The following CSMD2 variants were observed in gnomAD, a reference collection of about 807,000 sequenced individuals.
The protein encoded by CSMD2 is CUB and sushi domain-containing protein 2.
In CSMD2, 130 loss-of-function variants were observed where a neutral mutation model predicts 398.5. The observed-to-expected ratio is 0.33, with a 90% confidence interval of 0.28 to 0.38. The LOEUF (loss-of-function observed/expected upper bound fraction) is 0.38, where lower values mean the gene tolerates loss of function less well. CSMD2 is among the 10% of genes least tolerant of loss of function. The pLI is 1.00. For missense variants in CSMD2, 3,829 were observed against 4,764.9 expected (o/e 0.80, Z 5.78); for synonymous variants, 1,828 against 1,908.5 (o/e 0.96, Z 1.10).
chr1:33,956,726 A>C (rs1250988288), intron 3 of CSMD2, among the ~76,000 whole-genome samples: 1 of 152,006 alleles, frequency 6.6e-6, no homozygotes, highest in Non-Finnish European at 1.5e-5. Context: ...CCCAAGCCCC[A>C]GTCTCCTTCA....
At chr1:33,698,466 C>T (rs1052252308) in intron 24 of CSMD2, among the ~76,000 whole-genome samples, 16 of 152,122 alleles carry the variant, frequency 1.1e-4, no homozygotes, top group Non-Finnish European at 2.1e-4. Context: ...CGCTATCACC[C>T]GCGTTACAAT....
intron 1 of CSMD2, among the ~76,000 whole-genome samples, chr1:34,102,956 T>TG (rs1178441972): frequency 6.6e-6 from 1 of 152,158 alleles, no homozygotes; most frequent in Non-Finnish European, 1.5e-5. Context: ...TCCATGAGAG[T>TG]GGGGCACCAT....
intron 44 of CSMD2, among the ~76,000 whole-genome samples, chr1:33,590,579 C>T (rs1283393962): frequency 1.4e-5 from 2 of 144,824 alleles, no homozygotes; most frequent in East Asian, 4.2e-4. Flanking sequence ...TACAGACACG[C>T]CCTCCCTATT....
intron 13 of CSMD2, among the ~76,000 whole-genome samples, chr1:33,763,480 T>C (rs1294815573): frequency 6.6e-6 from 1 of 152,222 alleles, no homozygotes; most frequent in Non-Finnish European, 1.5e-5. Context: ...GGGTCTACTT[T>C]AGACCACGCA....
intron 1 of CSMD2, among the ~76,000 whole-genome samples, chr1:34,148,774 G>T (rs1272005715): frequency 6.6e-6 from 1 of 152,196 alleles, no homozygotes; most frequent in Admixed American, 6.5e-5. Flanking sequence ...GTTTGCTGGG[G>T]TCGGCCTTAT....
At chr1:33,623,742 A>G (rs1310549954) in intron 35 of CSMD2, among the ~76,000 whole-genome samples, 1 of 152,222 alleles carries the variant, frequency 6.6e-6, no homozygotes, top group African/African-American at 2.4e-5. Flanking sequence ...AGGAAGTGGA[A>G]AGACAGTCTC....
At chr1:33,756,544 A>G (rs184602961) in intron 13 of CSMD2, among the ~76,000 whole-genome samples, 1 of 152,326 alleles carries the variant, frequency 6.6e-6, no homozygotes. Context: ...CATTCTAAGG[A>G]AGGTTCACTG....
At chr1:33,650,686 G>T (rs987534365) in intron 28 of CSMD2, among the ~76,000 whole-genome samples, 2 of 152,090 alleles carry the variant, frequency 1.3e-5, no homozygotes, top group African/African-American at 4.8e-5. Flanking sequence ...GGATCTATTT[G>T]TTTGTTTCTT....
intron 1 of CSMD2, among the ~76,000 whole-genome samples, chr1:34,158,067 C>T (rs771721068): frequency 7.2e-5 from 11 of 152,114 alleles, no homozygotes; most frequent in Non-Finnish European, 1.5e-4. Context: ...AAAAGACAGT[C>T]CAGGAGATTG....
intron 3 of CSMD2, among the ~76,000 whole-genome samples, chr1:33,970,011 C>T (rs1645698708): frequency 6.6e-6 from 1 of 151,028 alleles, no homozygotes; most frequent in Admixed American, 6.6e-5. Flanking sequence ...GAGGCTGAGG[C>T]AGGACAATTG....
intron 2 of CSMD2, among the ~76,000 whole-genome samples, chr1:34,062,618 T>C (rs1654642530): frequency 6.6e-6 from 1 of 151,952 alleles, no homozygotes; most frequent in South Asian, 2.1e-4. Context: ...ATCCCGAGGG[T>C]GGGACAGCCA....
chr1:33,718,847 C>A (rs1233841726), intron 19 of CSMD2, among the ~76,000 whole-genome samples: 1 of 152,152 alleles, frequency 6.6e-6, no homozygotes, highest in Non-Finnish European at 1.5e-5. Flanking sequence ...GCTGGTGATC[C>A]TGGAGGATTT....
chr1:34,052,075 A>C (rs1653236335), intron 2 of CSMD2, among the ~76,000 whole-genome samples: 1 of 151,966 alleles, frequency 6.6e-6, no homozygotes, highest in South Asian at 2.1e-4. Context: ...ACTGAAACTT[A>C]CATTATCAGC....
At position 33,540,651 on chromosome 1, in the gene CSMD2, C is replaced by G; in HGVS notation, c.9505G>C (p.Gly3169Arg). 1.2e-6 allele frequency: 2 copies of G among 1,614,210 alleles called. No individual in the cohort carries two copies. Among genetic ancestry groups the G allele is most frequent in the Non-Finnish European group, 8.5e-7 (1 of 1,180,050 alleles). The change falls in exon 60 of 71, where the codon GGG becomes CGG. Residue 3169 changes from glycine (G) to arginine (R), a missense_variant. Gly to Arg is a moderately radical substitution (Grantham distance 125). Transcript: ENST00000373381. ...CTTGAGCCCCACATGAAGTCAGACC[C>G]CACCACCTTCCCATTGGGGATGAGC... is the stretch of plus-strand genomic sequence containing the variant. ...PPLIPNGKVV[G>R]SDFMWGSSVT...
intron 25 of CSMD2, among the ~76,000 whole-genome samples, chr1:33,669,944 G>C (rs768700345): frequency 1.3e-5 from 2 of 152,192 alleles, no homozygotes; most frequent in Non-Finnish European, 2.9e-5. Flanking sequence ...ACATGAGACA[G>C]ATTCTTCCCC....
intron 3 of CSMD2, among the ~76,000 whole-genome samples, chr1:34,008,843 C>G (rs1200308827): frequency 2.0e-5 from 3 of 152,182 alleles, no homozygotes; most frequent in Non-Finnish European, 4.4e-5. Context: ...AAGTGCTTTG[C>G]ATACAGTGGG....
intron 2 of CSMD2, among the ~76,000 whole-genome samples, chr1:34,085,460 T>C (rs1205496211): frequency 6.6e-6 from 1 of 152,088 alleles, no homozygotes; most frequent in Non-Finnish European, 1.5e-5. Flanking sequence ...GCATTATACA[T>C]AATTATTTTC....
At chr1:33,842,655 A>G (rs1660970972) in intron 6 of CSMD2, among the ~76,000 whole-genome samples, 1 of 152,230 alleles carries the variant, frequency 6.6e-6, no homozygotes, top group Admixed American at 6.5e-5. Flanking sequence ...TAAAGCAGCC[A>G]TAGACCAGGT....
intron 29 of CSMD2, among the ~76,000 whole-genome samples, chr1:33,637,592 C>T (rs1642881196): frequency 6.6e-6 from 1 of 152,188 alleles, no homozygotes. Context: ...CCTCCGTCCT[C>T]CTTGTTCTAA....
Sources: allele counts gnomAD v4.1 joint callset (sites outside exome capture counted in the v4.1 genomes callset), GRCh38; gene constraint gnomAD v4.1.1; transcripts MANE v1.5; gene names NCBI Gene and HGNC (gene_info 2026-07-23, HGNC 2026-07-21).